PLEKHH2: variants seen among roughly 807,000 people sequenced by gnomAD.
PLEKHH2 encodes the protein pleckstrin homology, MyTH4 and FERM domain containing H2.
In PLEKHH2, 129 loss-of-function variants were observed where a neutral mutation model predicts 187.9. The observed-to-expected ratio is 0.69, with a 90% confidence interval of 0.59 to 0.79. The LOEUF (loss-of-function observed/expected upper bound fraction) is 0.79. Among genes scored for constraint, PLEKHH2 ranks in the 30% least tolerant of loss-of-function variants. PLEKHH2 has a pLI of 0.00. For synonymous variants in PLEKHH2, 686 were observed against 605.6 expected (o/e 1.13, Z -1.95); for missense variants, 2,076 against 1,751.2 (o/e 1.19, Z -3.31).
chr2:43,736,244 GC>G (rs1671285907), intron 19 of PLEKHH2, among the ~76,000 whole-genome samples: 1 of 152,086 alleles, frequency 6.6e-6, no homozygotes, highest in South Asian at 2.1e-4. Flanking sequence ...AAAAACAAAC[GC>G]TTTTATGTGT....
intron 25 of PLEKHH2, among the ~76,000 whole-genome samples, chr2:43,755,532 A>T (rs1304967496): frequency 6.6e-6 from 1 of 152,100 alleles, no homozygotes; most frequent in Admixed American, 6.5e-5. Flanking sequence ...TTTTCCACTT[A>T]TCTATTGCTA....
chr2:43,712,338 C>A lies in PLEKHH2; in HGVS notation c.2415C>A (p.Ser805=). Residue 805 remains serine (S), a synonymous_variant, in exon 15 of 30, where the codon TCC becomes TCA. Transcript: ENST00000282406. The part of the protein sequence containing the change: ...VLRVQAANPL[S]LQPEGKPTMK... ...GAGTACAAGCTGCCAACCCACTTTC[C>A]CTGCAGCCTGAGGGCAAACCCACCA... 1.2e-6 allele frequency: 2 copies of A among 1,614,154 alleles called. No homozygotes were observed. The highest frequency in any genetic ancestry group is 1.7e-6 in the Non-Finnish European group (2 of 1,180,012).
At chr2:43,707,263 G>T in intron 10 of PLEKHH2, 138 bp from the exon 11 acceptor site, 2 of 706,942 alleles carry the variant, frequency 2.8e-6, no homozygotes, top group Non-Finnish European at 4.4e-6. Flanking sequence ...TATCTAAAAA[G>T]AGTGATAACC....
chr2:43,719,654 G>T (rs768785541), intron 15 of PLEKHH2, among the ~76,000 whole-genome samples: 1 of 152,178 alleles, frequency 6.6e-6, no homozygotes, highest in Admixed American at 6.5e-5. Flanking sequence ...TGGTCAGGCT[G>T]GTCTTGAACT....
Position 43,697,213 on chromosome 2 carries a change from T to C in PLEKHH2, c.545T>C (p.Leu182Pro), listed in dbSNP as rs772625748. Residue 182 changes from leucine (L) to proline (P), a missense_variant, in exon 7 of 30, where the codon CTT becomes CCT. Transcript: ENST00000282406. The stretch of plus-strand genomic sequence containing the variant: ...TCATCCACTGTCTCTACACTAAAGC[T>C]TTCGGAAGGCCAGCGCCTGAGCAGT... The part of the protein sequence containing the change: ...KKSSTVSTLK[L>P]SEGQRLSSLT... 7 of 1,612,718 alleles carry C rather than the reference T, an allele frequency of 4.3e-6. No homozygotes were observed. The highest frequency in any genetic ancestry group is 2.7e-5 in the African/African-American group (2 of 74,872).
rs755880086 is a variant in PLEKHH2, at chr2:43,710,188, G to A, written c.2104-32G>A. ...CAGATTGAGCCTCCAAAAGGAAACT[G>A]AAAATGCTTTTGTCTATCTTTTAAA... On this transcript the variant is annotated intron_variant, in intron 12 of 29. Coordinates refer to ENST00000282406, the MANE Select transcript of PLEKHH2 (RefSeq NM_172069.4). 1.6e-5 allele frequency: 25 copies of A among 1,610,668 alleles called. No individual in the cohort carries two copies. In the Admixed American group the frequency reaches 3.7e-4, roughly 24 times the overall value.
Position 43,712,293 on chromosome 2 carries a change from A to G in PLEKHH2, c.2370A>G (p.Lys790=), listed in dbSNP as rs1197839935. 50 of 1,613,592 alleles carry G rather than the reference A, an allele frequency of 3.1e-5. No homozygotes were observed. The highest frequency in any genetic ancestry group is 4.2e-5 in the Non-Finnish European group (49 of 1,179,590). The change falls in exon 15 of 30, where the codon AAA becomes AAG. Residue 790 remains lysine, a synonymous_variant. Transcript: ENST00000282406. The part of the protein sequence containing the change: ...DSPNILEEWI[K]VLQNVLRVQA... Reference sequence around the variant, plus strand: ...CCAATATATTGGAAGAGTGGATTAAAGTGTTACAGAATGTTCTTCGAGTAC... The same window carrying G: ...CCAATATATTGGAAGAGTGGATTAAGGTGTTACAGAATGTTCTTCGAGTAC...
intron 19 of PLEKHH2, among the ~76,000 whole-genome samples, chr2:43,734,105 T>C (rs1316896821): frequency 1.3e-5 from 2 of 152,314 alleles, no homozygotes; most frequent in Non-Finnish European, 2.9e-5. Flanking sequence ...TACTTTTTAC[T>C]TGGGACAATT....
chr2:43,658,866 A>C (rs572936626), intron 2 of PLEKHH2: 13 of 152,362 alleles, frequency 8.5e-5, no homozygotes, highest in African/African-American at 3.1e-4. Context: ...GATTACCAGA[A>C]GGTGAGGATC....
At chr2:43,671,397 G>T (rs1038098072) in intron 2 of PLEKHH2, among the ~76,000 whole-genome samples, 26 of 152,150 alleles carry the variant, frequency 1.7e-4, no homozygotes, top group African/African-American at 6.3e-4. Flanking sequence ...GGGACTTTAT[G>T]TGTAGATACT....
At position 43,710,258 on chromosome 2, in the gene PLEKHH2, T is replaced by C. The variant is rs1558537770; in HGVS notation, c.2142T>C (p.Ser714=). Residue 714 remains serine, a synonymous_variant, in exon 13 of 30, where the codon AGT becomes AGC. Coordinates refer to ENST00000282406, the MANE Select transcript of PLEKHH2 (RefSeq NM_172069.4). ...AATCTGGTTATTTATTAAAAATGAGTGGTAAAGTCAAGTCTTGGAAGCGGC... is the reference window on the plus strand; with the variant it reads ...AATCTGGTTATTTATTAAAAATGAGCGGTAAAGTCAAGTCTTGGAAGCGGC... The part of the protein sequence containing the change: ...LEKSGYLLKM[S]GKVKSWKRRW... 7 of 1,614,080 alleles carry C rather than the reference T, an allele frequency of 4.3e-6. No individual in the cohort carries two copies. In the East Asian group the frequency reaches 1.6e-4, roughly 36 times the overall value.
chr2:43,730,607 C>G (rs1346220648), intron 18 of PLEKHH2, among the ~76,000 whole-genome samples: 1 of 152,160 alleles, frequency 6.6e-6, no homozygotes, highest in Non-Finnish European at 1.5e-5. Flanking sequence ...TCATGTTGCA[C>G]AGGTTGGTCT....
At chr2:43,651,204 G>T (rs985376696) in intron 2 of PLEKHH2, among the ~76,000 whole-genome samples, 4 of 151,700 alleles carry the variant, frequency 2.6e-5, no homozygotes, top group African/African-American at 4.8e-5. Context: ...TTGAGTTTCT[G>T]TTATGTGTAT....
rs1190273423 is a variant in PLEKHH2 at position 43,700,585 on chromosome 2, C to T, written c.1627C>T (p.Pro543Ser). The T allele has an allele frequency of 6.2e-7, 1 of 1,609,872 alleles. No homozygotes were observed. The highest frequency in any genetic ancestry group is 8.5e-7 in the Non-Finnish European group (1 of 1,179,084). Residue 543 changes from proline to serine, a missense_variant, in exon 8 of 30, where the codon CCC (proline) becomes TCC (serine). Transcript: ENST00000282406. The stretch of plus-strand genomic sequence containing the variant: ...GGCATACAGCAAACCTCCAACTCCT[C>T]CCCTGCACCGTTTTCCTTCTTGGGT... ...KVAYSKPPTPPLHRFPSWESR... is the reference protein window; with the variant it reads ...KVAYSKPPTPSLHRFPSWESR...
rs1325766932 is a variant in PLEKHH2, at chr2:43,704,055, A to C, written c.1725A>C (p.Lys575Asn). Residue 575 changes from lysine to asparagine, a missense_variant and splice_region_variant, in exon 9 of 30, where the codon AAA (lysine) becomes AAC (asparagine). By Grantham distance (94) the Lys-to-Asn change is moderately conservative. Coordinates refer to ENST00000282406, the MANE Select transcript of PLEKHH2 (RefSeq NM_172069.4). ...SEAFNMESVN[K>N]NSAATLSYTT... ...CCTTCAATATGGAGAGTGTTAATAA[A>C]AGTAAGTGCTTTTTCATGCTGCCAC... The C allele has an allele frequency of 4.4e-6, 7 of 1,591,558 alleles. No individual in the cohort carries two copies. The highest frequency in any genetic ancestry group is 4.5e-5 in the East Asian group (2 of 44,772).
intron 16 of PLEKHH2, among the ~76,000 whole-genome samples, chr2:43,721,236 T>G (rs1186389574): frequency 6.6e-6 from 1 of 152,212 alleles, no homozygotes; most frequent in Non-Finnish European, 1.5e-5. Context: ...TCTGAATTAT[T>G]TTAAATTTCA....
chr2:43,764,237 G>A lies in PLEKHH2; in HGVS notation c.4168G>A (p.Val1390Ile), dbSNP rs758356690. 15 of 1,497,142 alleles carry A rather than the reference G, an allele frequency of 1.0e-5. No homozygotes were observed. The highest frequency in any genetic ancestry group is 1.2e-5 in the Non-Finnish European group (13 of 1,119,802). The allele number at this position is 1,497,142 out of a possible 1,614,324, so 92.7% of individuals were successfully genotyped here. ...TTTCTTATCTTTAAAGAGGTTAATA[G>A]TCAGCTATGTGTACAAGAGTCTAAT... ...LLEYNSMRLI[V>I]SYVYKSLMTF... Residue 1390 changes from valine to isoleucine, a missense_variant, in exon 29 of 30, where the codon GTC (valine) becomes ATC (isoleucine). By Grantham distance (29) the Val-to-Ile change is conservative. Coordinates refer to ENST00000282406, the MANE Select transcript of PLEKHH2 (RefSeq NM_172069.4).
At chr2:43,650,293 C>A (rs1666401780) in intron 2 of PLEKHH2, among the ~76,000 whole-genome samples, 1 of 151,438 alleles carries the variant, frequency 6.6e-6, no homozygotes, top group African/African-American at 2.4e-5. Context: ...CCACCATGCC[C>A]AGCTAATTTT....
At chr2:43,675,829 A>T (rs909964494) in intron 2 of PLEKHH2, 1 of 1,613,988 alleles carries the variant, frequency 6.2e-7, no homozygotes, top group Admixed American at 1.7e-5. Context: ...GCCCAGATAG[A>T]AGGGCTGGGA....
Sources: gnomAD v4.1 joint callset for allele counts (sites outside exome capture counted in the v4.1 genomes callset) on GRCh38, gnomAD v4.1.1 for gene constraint, MANE v1.5 for transcripts, NCBI Gene and HGNC (gene_info 2026-07-23, HGNC 2026-07-21) for gene names.